AUTS2: variants seen among roughly 807,000 people sequenced by gnomAD.
The protein encoded by AUTS2 is activator of transcription and developmental regulator AUTS2, also known as autism susceptibility gene 2 protein.
Under a neutral mutation model 112.4 loss-of-function variants are expected in AUTS2, and 17 were observed. The ratio of observed to expected loss-of-function variants is 0.15; its 90% confidence interval spans 0.10 to 0.23. AUTS2 has a LOEUF of 0.23. Ranked by LOEUF, AUTS2 falls within the 10% of genes least tolerant of loss-of-function variation. AUTS2 has a pLI of 1.00. For synonymous variants in AUTS2, 751 were observed against 702.7 expected, an observed-to-expected ratio of 1.07 and a Z score of -1.09; for missense variants, 1,510 against 1,701.6, an observed-to-expected ratio of 0.89 and a Z score of 1.98.
intron 4 of AUTS2, among the ~76,000 whole-genome samples, chr7:70,433,982 T>A (rs1306873910): frequency 6.6e-6 from 1 of 152,218 alleles, no homozygotes; most frequent in Non-Finnish European, 1.5e-5. Flanking sequence ...ATGGGTTCAG[T>A]GGTCCAATTC....
At chr7:69,872,274 C>T (rs542315980) in intron 1 of AUTS2, among the ~76,000 whole-genome samples, 3 of 152,324 alleles carry the variant, frequency 2.0e-5, no homozygotes, top group Admixed American at 1.3e-4. Flanking sequence ...TTATCTCTTA[C>T]GTTCCTTGTT....
intron 6 of AUTS2, among the ~76,000 whole-genome samples, chr7:70,749,555 C>G (rs965075907): frequency 6.6e-6 from 1 of 152,178 alleles, no homozygotes; most frequent in Non-Finnish European, 1.5e-5. Flanking sequence ...CCTGCTCCTC[C>G]TCCTCTAACT....
At chr7:70,359,864 G>T (rs1404747939) in intron 4 of AUTS2, among the ~76,000 whole-genome samples, 2 of 152,162 alleles carry the variant, frequency 1.3e-5, no homozygotes, top group Non-Finnish European at 2.9e-5. Flanking sequence ...CTATTGTGCT[G>T]CTACCCAAAT....
chr7:69,735,759 G>C (rs112295469), intron 1 of AUTS2, among the ~76,000 whole-genome samples: 1 of 152,334 alleles, frequency 6.6e-6, no homozygotes, highest in East Asian at 1.9e-4. Flanking sequence ...TGTGAGCTCC[G>C]TAAGGGCTGG....
intron 4 of AUTS2, among the ~76,000 whole-genome samples, chr7:70,154,534 T>G (rs1807635701): frequency 6.6e-6 from 1 of 152,098 alleles, no homozygotes; most frequent in Admixed American, 6.6e-5. Context: ...CAAGGTTAGT[T>G]TTTTTTTAAT....
intron 1 of AUTS2, among the ~76,000 whole-genome samples, chr7:69,683,814 G>T (rs1341980520): frequency 6.6e-6 from 1 of 151,866 alleles, no homozygotes; most frequent in Non-Finnish European, 1.5e-5. Flanking sequence ...GGGAGGCTGA[G>T]GTAGGAGAAT....
intron 4 of AUTS2, among the ~76,000 whole-genome samples, chr7:70,196,085 C>G (rs1389965897): frequency 6.6e-6 from 1 of 152,174 alleles, no homozygotes; most frequent in East Asian, 1.9e-4. Context: ...GTAGCTCCCC[C>G]CTCCCCTTTT....
At chr7:70,489,343 C>T (rs545697552) in intron 5 of AUTS2, among the ~76,000 whole-genome samples, 10 of 152,140 alleles carry the variant, frequency 6.6e-5, no homozygotes, top group Non-Finnish European at 1.3e-4. Context: ...ATCCAGTGTC[C>T]GCTGTTAAGT....
intron 1 of AUTS2, among the ~76,000 whole-genome samples, chr7:69,827,598 G>T (rs1251789048): frequency 6.6e-6 from 1 of 152,162 alleles, no homozygotes; most frequent in Non-Finnish European, 1.5e-5. Context: ...CCAGGGGAAA[G>T]GTGTAGGGAG....
chr7:70,225,460 C>A (rs1246673412), intron 4 of AUTS2, among the ~76,000 whole-genome samples: 2 of 152,128 alleles, frequency 1.3e-5, no homozygotes, highest in Non-Finnish European at 2.9e-5. Context: ...CTGAACTCAT[C>A]CTGTGTCCCA....
At chr7:70,051,927 G>T (rs1314864057) in intron 2 of AUTS2, among the ~76,000 whole-genome samples, 1 of 152,152 alleles carries the variant, frequency 6.6e-6, no homozygotes, top group Non-Finnish European at 1.5e-5. Context: ...TTTGGGGTTT[G>T]TGTGGGTAAG....
Position 70,766,228 on chromosome 7 carries a change from A to G in AUTS2, c.1583A>G (p.Gln528Arg). The change falls in exon 9 of 19, where the codon CAG (glutamine) becomes CGG (arginine). Residue 528 changes from glutamine (Q) to arginine (R), a missense_variant. Transcript: ENST00000342771. This position sits in a 1 kb window ranked among gnomAD's most constrained non-coding sequence, Gnocchi z 4.8. Reference sequence around the variant, plus strand: ...CTGCGGACCGAGTTCCATCAGCACCAGCACCAGCACCAGCACACCCACCAG... The same window carrying G: ...CTGCGGACCGAGTTCCATCAGCACCGGCACCAGCACCAGCACACCCACCAG... ...PYLRTEFHQH[Q>R]HQHQHTHQHT... The G allele has an allele frequency of 6.2e-7, 1 of 1,614,088 alleles. No individual in the cohort carries two copies. Among genetic ancestry groups the G allele is most frequent in the Non-Finnish European group, 8.5e-7 (1 of 1,179,990 alleles).
At chr7:69,913,860 C>T (rs1795457807) in intron 2 of AUTS2, among the ~76,000 whole-genome samples, 1 of 152,174 alleles carries the variant, frequency 6.6e-6, no homozygotes, top group African/African-American at 2.4e-5. Flanking sequence ...CTTCCATTCC[C>T]TCCCACATGC....
At chr7:70,168,616 C>G (rs1399632978) in intron 4 of AUTS2, among the ~76,000 whole-genome samples, 2 of 152,106 alleles carry the variant, frequency 1.3e-5, no homozygotes, top group Non-Finnish European at 1.5e-5. Flanking sequence ...TGCACCTGGC[C>G]TGCTCTGCTT....
intron 2 of AUTS2, among the ~76,000 whole-genome samples, chr7:70,107,502 C>T (rs10281537): frequency 0.08 from 12,057 of 150,548 alleles, 616 homozygotes; most frequent in African/African-American, 0.13. Flanking sequence ...CCCCACCATG[C>T]CCAGCTAATT....
chr7:70,482,976 A>T (rs1797849241), intron 5 of AUTS2, among the ~76,000 whole-genome samples: 1 of 151,960 alleles, frequency 6.6e-6, no homozygotes, highest in Non-Finnish European at 1.5e-5. Context: ...TATGTGATCT[A>T]TTTTTCTGTT....
At chr7:69,937,815 G>C (rs528844885) in intron 2 of AUTS2, among the ~76,000 whole-genome samples, 33 of 152,290 alleles carry the variant, frequency 2.2e-4, no homozygotes, top group Non-Finnish European at 1.3e-4. Flanking sequence ...TGCTGTTTCT[G>C]TGCTCTTTCC....
rs552451012 is a variant in AUTS2 at position 70,180,422 on chromosome 7, CAT to C, written c.660+45853_660+45854del. 4.9e-3 allele frequency among the ~76,000 whole-genome samples: 466 copies of C among 94,350 alleles called. 2 individuals carry two copies. The highest frequency in any genetic ancestry group is 8.8e-3 in the Admixed American group (83 of 9,432). 61.9% of individuals were successfully genotyped at this position (94,350 alleles called of 152,430 possible). A position where few individuals can be genotyped will look rare whatever the true frequency, so the allele number is the denominator to read the frequency against. ...TTTAAAGAATAAAATAAAATAAACA[CAT>C]ACACACACAGTTGGCTTTGTGTTGG... On this transcript the variant is annotated intron_variant, in intron 4 of 18. Transcript: ENST00000342771.
intron 5 of AUTS2, among the ~76,000 whole-genome samples, chr7:70,676,314 C>T (rs1181696925): frequency 6.6e-6 from 1 of 151,592 alleles, no homozygotes. Context: ...TACCTGTAGC[C>T]CCAACTACTG....
Sources: allele counts gnomAD v4.1 joint callset (sites outside exome capture counted in the v4.1 genomes callset), GRCh38; gene constraint gnomAD v4.1.1; non-coding constraint Gnocchi (gnomAD v3.1); transcripts MANE v1.5; gene names NCBI Gene and HGNC (gene_info 2026-07-23, HGNC 2026-07-21).